Variants in RASGEF1A observed in about 807,000 individuals in gnomAD.
The protein encoded by RASGEF1A is RasGEF domain family member 1A, also known as ras-GEF domain-containing family member 1A.
RASGEF1A carries 18 observed loss-of-function variants against 56.4 expected under a neutral mutation model. The observed-to-expected ratio is 0.32, with a 90% CI of 0.22 to 0.47. The LOEUF is 0.47. RASGEF1A is among the 20% of genes least tolerant of loss of function. RASGEF1A has a pLI of 1.00. For synonymous variants in RASGEF1A, 245 were observed against 242.6 expected, an observed-to-expected ratio of 1.01 and a Z score of -0.09; for missense variants, 422 against 627.1, an observed-to-expected ratio of 0.67 and a Z score of 3.49.
At position 43,266,852 on chromosome 10, in the gene RASGEF1A, C is replaced by T. The variant is rs1246960283; in HGVS notation, c.-14G>A. 2 of 145,986 alleles carry T rather than the reference C, an allele frequency of 1.4e-5. No homozygotes were observed. The highest frequency in any genetic ancestry group is 4.9e-5 in the African/African-American group (2 of 40,740). The allele number at this position is 145,986 out of a possible 1,614,324, so 9.0% of individuals were successfully genotyped here. A position where few individuals can be genotyped will look rare whatever the true frequency, so the allele number is the denominator to read the frequency against. On this transcript the variant is annotated 5_prime_UTR_variant, in exon 1 of 13. Coordinates refer to ENST00000395810, the MANE Select transcript of RASGEF1A (RefSeq NM_145313.4). ...TCCGCGGCCGCTGCCTACCTCGGTC[C>T]GGGCCAGCGTCGCTCCCGCGCCGCC...
chr10:43,200,506 TCAGA>T (rs1238793455), intron 5 of RASGEF1A, among the ~76,000 whole-genome samples, 157 bp downstream of exon 5: 3 of 152,128 alleles, frequency 2.0e-5, no homozygotes, highest in Non-Finnish European at 4.4e-5. Context: ...TGCCCGCCAC[TCAGA>T]CGGACACACA....
intron 1 of RASGEF1A, among the ~76,000 whole-genome samples, chr10:43,210,548 A>G (rs1840052026): frequency 6.6e-6 from 1 of 152,196 alleles, no homozygotes. Context: ...GGGATTTTTC[A>G]AAGACACCGT....
At position 43,209,187 on chromosome 10, in the gene RASGEF1A, C is replaced by T. The variant is rs1364691646; in HGVS notation, c.-6-3065G>A. 6 of 985,482 alleles carry T rather than the reference C, an allele frequency of 6.1e-6. No individual in the cohort carries two copies. The South Asian group carries it at 2.8e-4, about 46-fold the overall frequency. 61.0% of individuals were successfully genotyped at this position (985,482 alleles called of 1,614,324 possible). ...AGTCACAGCAATAGCCATCATGATA[C>T]ACCGATGGCCAGGGTGCTGAACACT... is the stretch of plus-strand genomic sequence containing the variant. On this transcript the variant is annotated intron_variant, in intron 1 of 12. Transcript: ENST00000395810.
At chr10:43,212,234 C>T (rs1840078463) in intron 1 of RASGEF1A, among the ~76,000 whole-genome samples, 1 of 152,216 alleles carries the variant, frequency 6.6e-6, no homozygotes, top group South Asian at 2.1e-4. Context: ...TGGAACACAT[C>T]CCGGCATCTC....
At chr10:43,202,056 G>C in intron 3 of RASGEF1A, 111 bp from the exon 4 acceptor site, 1 of 1,243,182 alleles carries the variant, frequency 8.0e-7, no homozygotes, top group Non-Finnish European at 1.1e-6. Flanking sequence ...CCCTGTGCTG[G>C]GCACAGCCCC....
At chr10:43,262,676 G>C (rs1836556725) in intron 1 of RASGEF1A, among the ~76,000 whole-genome samples, 1 of 152,232 alleles carries the variant, frequency 6.6e-6, no homozygotes, top group South Asian at 2.1e-4. Context: ...ACCCAAGGCG[G>C]CTGCTGCAGA....
intron 1 of RASGEF1A, among the ~76,000 whole-genome samples, chr10:43,233,262 C>T (rs910029986): frequency 5.9e-5 from 9 of 152,158 alleles, no homozygotes; most frequent in African/African-American, 1.7e-4. Flanking sequence ...ATGACTGTAA[C>T]ATGTCTATGC....
At chr10:43,200,977 T>G in intron 4 of RASGEF1A, 89 bp from the exon 5 acceptor site, 4 of 1,238,388 alleles carry the variant, frequency 3.2e-6, no homozygotes, top group Non-Finnish European at 3.5e-6. Flanking sequence ...CCTCCAGGGA[T>G]GTGCCTAACC....
intron 1 of RASGEF1A, among the ~76,000 whole-genome samples, chr10:43,245,753 A>C (rs1237100531): frequency 1.3e-5 from 2 of 152,200 alleles, no homozygotes; most frequent in Non-Finnish European, 2.9e-5. Context: ...AAGCAACTGA[A>C]GGGAACTTCA....
At position 43,225,713 on chromosome 10, in the gene RASGEF1A, T is replaced by C. The variant is rs1840270984; in HGVS notation, c.-6-19591A>G. Among the ~76,000 whole-genome samples, 2 of 152,166 alleles carry C rather than the reference T, an allele frequency of 1.3e-5. 1 individual carries two copies. Among genetic ancestry groups the C allele is most frequent in the South Asian group, 4.1e-4 (2 of 4,828 alleles). ...GCTACCCTGAAGCCACTTTTCCTGG[T>C]CACCCACCCAAAACACCACACCACT... On this transcript the variant is annotated intron_variant, in intron 1 of 12. Coordinates refer to ENST00000395810, the MANE Select transcript of RASGEF1A (RefSeq NM_145313.4).
At chr10:43,240,446 T>G (rs1840486764) in intron 1 of RASGEF1A, among the ~76,000 whole-genome samples, 1 of 152,190 alleles carries the variant, frequency 6.6e-6, no homozygotes, top group Non-Finnish European at 1.5e-5. Flanking sequence ...TTTTAAAGAC[T>G]GAAGGAATTG....
chr10:43,248,078 G>A lies in RASGEF1A; in HGVS notation c.-7+18767C>T, dbSNP rs185164894. Among the ~76,000 whole-genome samples, 103 of 148,202 alleles carry A rather than the reference G, an allele frequency of 6.9e-4. No homozygotes were observed. In the East Asian group the frequency reaches 0.015, roughly 21 times the overall value. On this transcript the variant is annotated intron_variant, in intron 1 of 12. Coordinates refer to ENST00000395810, the MANE Select transcript of RASGEF1A (RefSeq NM_145313.4). ...TTAAAAAAAAAAAAAAAACATGGCCGAGTGTGGTAGCTCATGCCTATAATC... is the reference window on the plus strand; with the variant it reads ...TTAAAAAAAAAAAAAAAACATGGCCAAGTGTGGTAGCTCATGCCTATAATC...
Position 43,197,076 on chromosome 10 carries a change from C to A in RASGEF1A, c.1248G>T (p.Gln416His), listed in dbSNP as rs1415004395. The A allele has an allele frequency of 1.6e-5, 26 of 1,613,942 alleles. No individual in the cohort carries two copies. Among genetic ancestry groups the A allele is most frequent in the Non-Finnish European group, 2.1e-5 (25 of 1,179,956 alleles). Reference protein sequence around the residue: ...NFKKFWEISRQIHEFMTWTQV... With the variant: ...NFKKFWEISRHIHEFMTWTQV... ...GTGTCCATGTCATGAACTCATGGATCTGTCTGGAGATCTCCCAGAATTTCT... is the reference window on the plus strand; with the variant it reads ...GTGTCCATGTCATGAACTCATGGATATGTCTGGAGATCTCCCAGAATTTCT... The change falls in exon 11 of 13, where the codon CAG (glutamine) becomes CAT (histidine). Residue 416 changes from glutamine to histidine, a missense_variant. Around this residue, in one of 2 missense-constraint regions of RASGEF1A, gnomAD observed 149 missense variants for 287.2 expected, o/e 0.52. Transcript: ENST00000395810.
In RASGEF1A at chr10:43,238,530, C is replaced by T. The variant is rs1181493870; in HGVS notation, c.-7+28315G>A. Among the ~76,000 whole-genome samples the T allele has an allele frequency of 3.3e-5, 5 of 152,350 alleles. No homozygotes were observed. In the East Asian group the frequency reaches 7.7e-4, roughly 24 times the overall value. ...AGCCTCCTTGTTCACTGCCCCAGCCCCATGTCCACATACACTCCTGCAACT... is the reference window on the plus strand; with the variant it reads ...AGCCTCCTTGTTCACTGCCCCAGCCTCATGTCCACATACACTCCTGCAACT... On this transcript the variant is annotated intron_variant, in intron 1 of 12. Coordinates refer to ENST00000395810, the MANE Select transcript of RASGEF1A (RefSeq NM_145313.4).
At chr10:43,223,013 T>A (rs551895166) in intron 1 of RASGEF1A, among the ~76,000 whole-genome samples, 122 of 150,944 alleles carry the variant, frequency 8.1e-4, no homozygotes, top group African/African-American at 2.0e-3. Flanking sequence ...GTTTTTTTTT[T>A]ATAACCCTAT....
At chr10:43,207,586 C>A (rs1261720859) in intron 1 of RASGEF1A, 2 of 985,484 alleles carry the variant, frequency 2.0e-6, no homozygotes, top group African/African-American at 3.5e-5. Context: ...AAAGGCCCCA[C>A]GATGACGCTG....
At chr10:43,262,157 G>T (rs1355584709) in intron 1 of RASGEF1A, among the ~76,000 whole-genome samples, 1 of 152,106 alleles carries the variant, frequency 6.6e-6, no homozygotes, top group Admixed American at 6.5e-5. Context: ...ACCAGATTTG[G>T]GCAGCCTTGG....
At chr10:43,223,303 G>C (rs1840233216) in intron 1 of RASGEF1A, among the ~76,000 whole-genome samples, 1 of 152,116 alleles carries the variant, frequency 6.6e-6, no homozygotes, top group Admixed American at 6.5e-5. Flanking sequence ...GCAGGTGAGA[G>C]AATGACATAA....
intron 1 of RASGEF1A, among the ~76,000 whole-genome samples, chr10:43,264,961 T>A (rs1269512318): frequency 6.6e-6 from 1 of 152,082 alleles, no homozygotes; most frequent in Non-Finnish European, 1.5e-5. Context: ...AGCTGTCCCA[T>A]CCTGCCCCTG....
Sources: gnomAD v4.1 joint callset for allele counts (sites outside exome capture counted in the v4.1 genomes callset) on GRCh38, gnomAD v4.1.1 for gene constraint, gnomAD v4.1.1 regional missense constraint, MANE v1.5 for transcripts, NCBI Gene and HGNC (gene_info 2026-07-23, HGNC 2026-07-21) for gene names.